IL1RAPL2: variants seen among roughly 807,000 people sequenced by gnomAD.
IL1RAPL2 encodes the protein interleukin 1 receptor accessory protein like 2, also known as X-linked interleukin-1 receptor accessory protein-like 2.
Under a neutral mutation model 44.1 loss-of-function variants are expected in IL1RAPL2, and 3 were observed. That is an observed-to-expected ratio of 0.07 (90% CI 0.03 to 0.18). The LOEUF (loss-of-function observed/expected upper bound fraction) is 0.18. Ranked by LOEUF, IL1RAPL2 falls within the 10% of genes least tolerant of loss-of-function variation. The probability of loss-of-function intolerance (pLI) is 1.00; values close to 1 mark genes in which losing one functional copy is unlikely to be tolerated. For synonymous variants in IL1RAPL2, 181 were observed against 178.8 expected (o/e 1.01, Z -0.10); for missense variants, 391 against 496.4 (o/e 0.79, Z 2.02).
chrX:105,022,792 C>T (rs901120284), intron 2 of IL1RAPL2, among the ~76,000 whole-genome samples: 1 of 110,810 alleles, frequency 9.0e-6, no homozygotes, highest in Admixed American at 9.6e-5. Context: ...TGTTCTGTCT[C>T]ATGGAGGAAA....
chrX:105,121,893 A>G (rs2032929090), intron 2 of IL1RAPL2, among the ~76,000 whole-genome samples: 1 of 111,271 alleles, frequency 9.0e-6, no homozygotes, highest in Admixed American at 9.6e-5. Context: ...TCCCTTGTGT[A>G]TGCCTCACTG....
At chrX:105,081,099 A>G (rs745512551) in intron 2 of IL1RAPL2, among the ~76,000 whole-genome samples, 2 of 111,676 alleles carry the variant, frequency 1.8e-5, no homozygotes, top group Admixed American at 1.9e-4. Flanking sequence ...GTTGCTTATC[A>G]GCTTCAGGAG....
chrX:105,321,153 A>T (rs758105132), intron 5 of IL1RAPL2, among the ~76,000 whole-genome samples: 7 of 111,590 alleles, frequency 6.3e-5, no homozygotes, highest in Non-Finnish European at 9.4e-5. Context: ...TGACAGGAAG[A>T]ATCAGAGGTA....
intron 4 of IL1RAPL2, among the ~76,000 whole-genome samples, chrX:105,249,507 T>C (rs2034251798): frequency 8.9e-6 from 1 of 111,927 alleles, no homozygotes; most frequent in African/African-American, 3.2e-5. Context: ...TTGGATTGTT[T>C]GTAACACAAA....
chrX:105,032,322 G>T (rs972634451), intron 2 of IL1RAPL2, among the ~76,000 whole-genome samples: 3 of 107,171 alleles, frequency 2.8e-5, no homozygotes, highest in African/African-American at 1.0e-4. Context: ...TGATGTTAGG[G>T]TGTCAATTTT....
At chrX:105,482,305 A>T (rs1247363593) in intron 5 of IL1RAPL2, among the ~76,000 whole-genome samples, 2 of 112,002 alleles carry the variant, frequency 1.8e-5, no homozygotes, top group Non-Finnish European at 3.8e-5. Flanking sequence ...CATTTTTTTT[A>T]AAGTAGATCC....
At chrX:104,946,379 CAAAAAAAAAAAAAAAAA>C (rs1157603029) in intron 2 of IL1RAPL2, among the ~76,000 whole-genome samples, 1 of 9,140 alleles carries the variant, frequency 1.1e-4, no homozygotes, top group Non-Finnish European at 1.6e-4. Context: ...GACTCCGTCT[CAAAAAAAAAAAAAAAAA>C]AAAAAAAAAA....
intron 3 of IL1RAPL2, among the ~76,000 whole-genome samples, chrX:105,217,968 A>G (rs1357890116): frequency 9.0e-6 from 1 of 111,040 alleles, no homozygotes; most frequent in Non-Finnish European, 1.9e-5. Context: ...GAGGAGAGGG[A>G]GAGCATTACG....
At chrX:104,913,825 T>G (rs1376616872) in intron 2 of IL1RAPL2, among the ~76,000 whole-genome samples, 1 of 112,077 alleles carries the variant, frequency 8.9e-6, no homozygotes, top group African/African-American at 3.2e-5. Context: ...TCTTTAAAAA[T>G]GTATTAGGGA....
At chrX:104,711,728 C>G (rs1931461092) in intron 2 of IL1RAPL2, among the ~76,000 whole-genome samples, 1 of 110,087 alleles carries the variant, frequency 9.1e-6, no homozygotes, top group Non-Finnish European at 1.9e-5. Flanking sequence ...GTATTCCAAC[C>G]ATGTCTAATA....
intron 2 of IL1RAPL2, among the ~76,000 whole-genome samples, chrX:104,952,584 G>A (rs905874704): frequency 1.8e-5 from 2 of 111,451 alleles, no homozygotes; most frequent in African/African-American, 6.5e-5. Context: ...CAGAAGAGAA[G>A]AACTTTTGGG....
At chrX:105,458,922 T>C (rs1360613898) in intron 5 of IL1RAPL2, among the ~76,000 whole-genome samples, 1 of 111,521 alleles carries the variant, frequency 9.0e-6, no homozygotes, top group Non-Finnish European at 1.9e-5. Flanking sequence ...GCTGCTAGGC[T>C]ATAGGATTTT....
intron 5 of IL1RAPL2, among the ~76,000 whole-genome samples, chrX:105,383,985 G>A (rs927790553): frequency 1.7e-4 from 19 of 111,554 alleles, no homozygotes; most frequent in Non-Finnish European, 3.0e-4. Flanking sequence ...TGAGTTGCTC[G>A]AGTCCTTTAT....
chrX:105,324,415 A>G (rs1029645975), intron 5 of IL1RAPL2, among the ~76,000 whole-genome samples: 3 of 111,525 alleles, frequency 2.7e-5, no homozygotes, highest in African/African-American at 9.8e-5. Context: ...CCCAGTTTAA[A>G]TGTCAGCATC....
intron 2 of IL1RAPL2, among the ~76,000 whole-genome samples, chrX:104,917,929 T>C (rs1176678928): frequency 8.9e-6 from 1 of 111,779 alleles, no homozygotes; most frequent in African/African-American, 3.3e-5. Flanking sequence ...CTTTCTATAA[T>C]CTGTGCTGAT....
chrX:104,797,403 C>A (rs1868970006), intron 2 of IL1RAPL2, among the ~76,000 whole-genome samples: 1 of 110,462 alleles, frequency 9.1e-6, no homozygotes, highest in African/African-American at 3.3e-5. Context: ...GTGTTCTGGG[C>A]AATACTAATC....
At chrX:104,723,306 GATAAA>G (rs746688032) in intron 2 of IL1RAPL2, among the ~76,000 whole-genome samples, 24 of 111,613 alleles carry the variant, frequency 2.2e-4, no homozygotes, top group African/African-American at 7.5e-4. Context: ...AACTGTGGAT[GATAAA>G]ATATAAATAT....
intron 2 of IL1RAPL2, among the ~76,000 whole-genome samples, chrX:104,898,606 A>G (rs1007550023): frequency 6.2e-5 from 7 of 112,539 alleles, no homozygotes; most frequent in Non-Finnish European, 1.3e-4. Flanking sequence ...AGCAAACCAG[A>G]CATGTAGCCA....
chrX:105,264,351 T>C (rs2034384790), intron 4 of IL1RAPL2, among the ~76,000 whole-genome samples: 1 of 111,508 alleles, frequency 9.0e-6, no homozygotes, highest in African/African-American at 3.3e-5. Context: ...CTTTATTAAT[T>C]ACCCAGTCTT....
Sources: allele counts gnomAD v4.1 joint callset (sites outside exome capture counted in the v4.1 genomes callset), GRCh38; gene constraint gnomAD v4.1.1; transcripts MANE v1.5; gene names NCBI Gene and HGNC (gene_info 2026-07-23, HGNC 2026-07-21).